Variants in SPMIP4 observed in about 807,000 individuals in gnomAD.
The protein encoded by SPMIP4 is sperm-associated microtubule inner protein 4.
At chr7:25,178,595 GAAGGAAC>G in the SPMIP4 span, among the ~76,000 whole-genome samples, 1 of 152,202 alleles carries the variant, frequency 6.6e-6, no homozygotes, top group Non-Finnish European at 1.5e-5. Context: ...ATTTCCCAAT[GAAGGAAC>G]GGACCATTCT....
the SPMIP4 span, among the ~76,000 whole-genome samples, chr7:25,167,071 T>G: frequency 6.6e-6 from 1 of 152,270 alleles, no homozygotes; most frequent in African/African-American, 2.4e-5. Context: ...TGTATGAATA[T>G]TTCTAATTCT....
the SPMIP4 span, among the ~76,000 whole-genome samples, chr7:25,161,529 G>A: frequency 2.0e-5 from 3 of 151,680 alleles, no homozygotes; most frequent in African/African-American, 7.3e-5. Flanking sequence ...GAGCTACTGT[G>A]CCTGGCCAAA....
the SPMIP4 span, among the ~76,000 whole-genome samples, chr7:25,167,279 C>G: frequency 2.0e-5 from 3 of 152,180 alleles, no homozygotes; most frequent in African/African-American, 7.2e-5. Context: ...CATCTGGATT[C>G]AAATCCCTAT....
the SPMIP4 span, among the ~76,000 whole-genome samples, chr7:25,163,619 T>C: frequency 6.6e-6 from 1 of 152,208 alleles, no homozygotes; most frequent in Non-Finnish European, 1.5e-5. The surrounding 1 kb of genome is among the most constrained non-coding windows in gnomAD (Gnocchi z 4.4). Context: ...TGACATGAAC[T>C]TCCCTCACTA....
At chr7:25,167,454 CCTCA>C in the SPMIP4 span, among the ~76,000 whole-genome samples, 1 of 152,154 alleles carries the variant, frequency 6.6e-6, no homozygotes, top group African/African-American at 2.4e-5. Context: ...AATGTGAGGT[CCTCA>C]CTATCTATTA....
chr7:25,135,268 G>C, the SPMIP4 span: 1 of 949,952 alleles, frequency 1.1e-6, no homozygotes, highest in South Asian at 4.9e-5. Context: ...TAGATCTTCA[G>C]TAAAATAATT....
At chr7:25,171,789 T>C in the SPMIP4 span, among the ~76,000 whole-genome samples, 1 of 152,178 alleles carries the variant, frequency 6.6e-6, no homozygotes, top group Non-Finnish European at 1.5e-5. Context: ...AAGGAGACCA[T>C]CTACACAAGA....
At chr7:25,167,995 G>T in the SPMIP4 span, among the ~76,000 whole-genome samples, 7 of 152,110 alleles carry the variant, frequency 4.6e-5, no homozygotes, top group Non-Finnish European at 1.0e-4. Flanking sequence ...GATTAGGCCA[G>T]GTCTTTGCTC....
the SPMIP4 span, among the ~76,000 whole-genome samples, chr7:25,154,258 T>G: frequency 1.6e-4 from 25 of 152,374 alleles, no homozygotes; most frequent in Non-Finnish European, 2.4e-4. Context: ...AACTGCAGGA[T>G]AGGACAATTC....
chr7:25,135,515 GCTA>G, the SPMIP4 span: 1 of 985,094 alleles, frequency 1.0e-6, no homozygotes, highest in Non-Finnish European at 1.2e-6. Flanking sequence ...TCTACCTAAT[GCTA>G]CTATGTACAA....
chr7:25,145,059 T>TAGCC, the SPMIP4 span, among the ~76,000 whole-genome samples: 1 of 150,278 alleles, frequency 6.7e-6, no homozygotes. Context: ...GCCTCCCGGG[T>TAGCC]TCAAGTGATT....
the SPMIP4 span, among the ~76,000 whole-genome samples, chr7:25,174,672 T>C: frequency 6.6e-6 from 1 of 152,168 alleles, no homozygotes; most frequent in African/African-American, 2.4e-5. The surrounding 1 kb of genome is among the most constrained non-coding windows in gnomAD (Gnocchi z 4.5). Flanking sequence ...GAAATCCTAT[T>C]ATATAATGAA....
chr7:25,136,475 A>C, the SPMIP4 span: 2 of 1,614,034 alleles, frequency 1.2e-6, no homozygotes, highest in African/African-American at 1.3e-5. The surrounding 1 kb of genome is among the most constrained non-coding windows in gnomAD (Gnocchi z 5.7). Context: ...TTTATGTCAT[A>C]AATGCTAGTT....
the SPMIP4 span, among the ~76,000 whole-genome samples, chr7:25,140,141 T>TA: frequency 1.3e-5 from 2 of 152,224 alleles, no homozygotes; most frequent in African/African-American, 4.8e-5. Flanking sequence ...TTTCTATACT[T>TA]AGAGAATGCT....
At chr7:25,129,481 A>G in the SPMIP4 span, among the ~76,000 whole-genome samples, 1 of 152,136 alleles carries the variant, frequency 6.6e-6, no homozygotes, top group Non-Finnish European at 1.5e-5. Flanking sequence ...CTGATTCTCT[A>G]TGCCATGTGG....
At chr7:25,126,980 T>C in the SPMIP4 span, among the ~76,000 whole-genome samples, 1 of 152,218 alleles carries the variant, frequency 6.6e-6, no homozygotes, top group Non-Finnish European at 1.5e-5. Context: ...AAAAGTTTTT[T>C]CCCTCAGCAC....
At chr7:25,162,008 C>T in the SPMIP4 span, among the ~76,000 whole-genome samples, 6 of 151,914 alleles carry the variant, frequency 3.9e-5, no homozygotes, top group African/African-American at 9.7e-5. Flanking sequence ...TGGTGGCTCA[C>T]GCCTATAATC....
chr7:25,171,114 T>C, the SPMIP4 span, among the ~76,000 whole-genome samples: 1,831 of 152,336 alleles, frequency 0.012, 28 homozygotes, highest in African/African-American at 0.033. Flanking sequence ...TTCTATTCAA[T>C]TGTTACCTTG....
the SPMIP4 span, among the ~76,000 whole-genome samples, chr7:25,173,904 T>C: frequency 6.6e-6 from 1 of 152,164 alleles, no homozygotes; most frequent in East Asian, 1.9e-4. The surrounding 1 kb of genome is among the most constrained non-coding windows in gnomAD (Gnocchi z 4.4). Flanking sequence ...AATGCATAAA[T>C]AAGTCATATT....
Sources: allele counts gnomAD v4.1 joint callset (sites outside exome capture counted in the v4.1 genomes callset), GRCh38; gene constraint gnomAD v4.1.1; non-coding constraint Gnocchi (gnomAD v3.1); transcripts MANE v1.5; gene names NCBI Gene and HGNC (gene_info 2026-07-23, HGNC 2026-07-21).